Variants in ATP2C1 observed in about 807,000 individuals in gnomAD.
ATP2C1 encodes the protein calcium-transporting ATPase type 2C member 1.
Under a neutral mutation model 120.5 loss-of-function variants are expected in ATP2C1, and 31 were observed. That is an observed-to-expected ratio of 0.26 (90% CI 0.19 to 0.35). The LOEUF is 0.35. Ranked by LOEUF, ATP2C1 falls within the 10% of genes least tolerant of loss-of-function variation. The probability of loss-of-function intolerance (pLI) is 1.00; values close to 1 mark genes in which losing one functional copy is unlikely to be tolerated. For synonymous variants in ATP2C1, 351 were observed against 358.7 expected (o/e 0.98, Z 0.24); for missense variants, 731 against 1,107.5 (o/e 0.66, Z 4.83).
At chr3:130,906,133 T>C (rs1312723941) in intron 2 of ATP2C1, among the ~76,000 whole-genome samples, 1 of 152,072 alleles carries the variant, frequency 6.6e-6, no homozygotes, top group Non-Finnish European at 1.5e-5. Flanking sequence ...AAGTGTATAA[T>C]TCAGTGGTTT....
intron 1 of ATP2C1, among the ~76,000 whole-genome samples, chr3:130,886,922 G>A (rs972743621): frequency 2.6e-5 from 4 of 152,162 alleles, no homozygotes; most frequent in African/African-American, 9.7e-5. Context: ...GCATTGAAAT[G>A]TTAGGTATTT....
Position 130,967,194 on chromosome 3 carries a change from A to G in ATP2C1, c.1172A>G (p.Asp391Gly). Residue 391 changes from aspartate (D) to glycine (G), a missense_variant, in exon 15 of 28, where the codon GAT (aspartate) becomes GGT (glycine). By Grantham distance (94) the Asp-to-Gly change is moderately conservative. Transcript: ENST00000510168. ...NQFGEVIVDG[D>G]VVHGFYNPAV... ...TTTGGGGAAGTGATTGTTGATGGTG[A>G]TGTTGTTCATGGATTCTATAACCCA... 1.9e-6 allele frequency: 3 copies of G among 1,613,786 alleles called. No individual in the cohort carries two copies. The highest frequency in any genetic ancestry group is 2.5e-6 in the Non-Finnish European group (3 of 1,179,832).
intron 1 of ATP2C1, among the ~76,000 whole-genome samples, chr3:130,883,767 T>C (rs1474603217): frequency 6.6e-6 from 1 of 152,106 alleles, no homozygotes; most frequent in Non-Finnish European, 1.5e-5. Context: ...CTCTTTCTTC[T>C]TTCTGATGTA....
upstream of ATP2C1, among the ~76,000 whole-genome samples, chr3:130,893,722 G>C (rs1401656775): frequency 6.6e-6 from 1 of 152,198 alleles, no homozygotes; most frequent in Non-Finnish European, 1.5e-5. Context: ...CGCCCCACGG[G>C]AATGCGTGGC....
chr3:130,906,330 A>G (rs1020372629), intron 2 of ATP2C1, among the ~76,000 whole-genome samples: 3 of 152,068 alleles, frequency 2.0e-5, no homozygotes, highest in Admixed American at 2.0e-4. Flanking sequence ...GAATCATACA[A>G]TATGTGACCT....
rs377638434 is a variant in ATP2C1, at chr3:130,894,135, C to T, written c.-383C>T. On this transcript the variant is annotated 5_prime_UTR_variant, in exon 1 of 28. Coordinates refer to ENST00000510168, the MANE Select transcript of ATP2C1 (RefSeq NM_001378687.1). The surrounding 1 kb of genome is among the most constrained non-coding windows in gnomAD (Gnocchi z 4.5). Reference sequence around the variant, plus strand: ...CCCGGCGGACCGTGACGGGTCCCCTCACCTCCTCTTCTCTCCCCTCCCCGC... The same window carrying T: ...CCCGGCGGACCGTGACGGGTCCCCTTACCTCCTCTTCTCTCCCCTCCCCGC... 23 of 948,472 alleles carry T rather than the reference C, an allele frequency of 2.4e-5. No homozygotes were observed. The East Asian group carries it at 4.7e-4, about 19-fold the overall frequency. 58.8% of individuals were successfully genotyped at this position (948,472 alleles called of 1,614,324 possible).
chr3:130,931,954 T>C, intron 3 of ATP2C1, 68 bp from the exon 4 acceptor site: 2 of 974,698 alleles, frequency 2.1e-6, no homozygotes, highest in Non-Finnish European at 3.3e-6. Flanking sequence ...CATTATATTA[T>C]GTGCTTTTTT....
At chr3:130,951,334 G>A (rs1208972014) in intron 8 of ATP2C1, among the ~76,000 whole-genome samples, 1 of 152,072 alleles carries the variant, frequency 6.6e-6, no homozygotes, top group Non-Finnish European at 1.5e-5. Context: ...CCTCTATAAC[G>A]TTGGATGAGT....
intron 11 of ATP2C1, among the ~76,000 whole-genome samples, chr3:130,958,486 G>A (rs534996469): frequency 6.6e-6 from 1 of 151,790 alleles, no homozygotes; most frequent in East Asian, 1.9e-4. Context: ...ATCTTAGAAG[G>A]TTGCTATTTG....
chr3:131,010,765 T>G (rs1013453178), intron 26 of ATP2C1, among the ~76,000 whole-genome samples: 3 of 152,216 alleles, frequency 2.0e-5, no homozygotes, highest in African/African-American at 7.2e-5. Context: ...TTCACCATAT[T>G]TGATAGTGTT....
intron 1 of ATP2C1, among the ~76,000 whole-genome samples, chr3:130,888,791 A>T (rs2069065578): frequency 6.6e-6 from 1 of 151,782 alleles, no homozygotes; most frequent in Non-Finnish European, 1.5e-5. Flanking sequence ...AAAACCAGGT[A>T]CTCCGATTGC....
intron 4 of ATP2C1, among the ~76,000 whole-genome samples, chr3:130,932,743 G>A (rs2108365191): frequency 6.6e-6 from 1 of 152,272 alleles, no homozygotes; most frequent in South Asian, 2.1e-4. Flanking sequence ...TAGTTTTGAA[G>A]TAATTAGGTT....
At chr3:130,934,570 A>T in intron 4 of ATP2C1, 52 bp from the exon 5 acceptor site, 1 of 1,178,230 alleles carries the variant, frequency 8.5e-7, no homozygotes, top group Non-Finnish European at 1.3e-6. Flanking sequence ...CTTTGCTGAG[A>T]GAACTGTCAT....
chr3:130,994,230 A>G lies in ATP2C1; in HGVS notation c.2057+132A>G, dbSNP rs2062492135. 3.9e-6 allele frequency: 4 copies of G among 1,032,138 alleles called. No individual in the cohort carries two copies. In the Admixed American group the frequency reaches 6.1e-5, roughly 16 times the overall value. The allele number at this position is 1,032,138 out of a possible 1,614,324, so 63.9% of individuals were successfully genotyped here. On this transcript the variant is annotated intron_variant, in intron 22 of 27. Coordinates refer to ENST00000510168, the MANE Select transcript of ATP2C1 (RefSeq NM_001378687.1). Reference sequence around the variant, plus strand: ...GTAAACTAAACCACTTTTCTAGGGTAATTATCCTATTTTATGGTATGAAGA... The same window carrying G: ...GTAAACTAAACCACTTTTCTAGGGTGATTATCCTATTTTATGGTATGAAGA...
intron 2 of ATP2C1, among the ~76,000 whole-genome samples, chr3:130,917,523 C>T (rs1452255537): frequency 6.6e-6 from 1 of 152,152 alleles, no homozygotes; most frequent in Non-Finnish European, 1.5e-5. Flanking sequence ...CTGAATCTTG[C>T]TTACATGGTA....
At chr3:130,885,803 C>G (rs559987220) in intron 1 of ATP2C1, among the ~76,000 whole-genome samples, 1 of 152,046 alleles carries the variant, frequency 6.6e-6, no homozygotes, top group African/African-American at 2.4e-5. Context: ...TTATAATATT[C>G]TCTGATTTTC....
intron 2 of ATP2C1, among the ~76,000 whole-genome samples, chr3:130,921,105 G>A (rs113604389): frequency 2.2e-5 from 3 of 136,376 alleles, no homozygotes; most frequent in Admixed American, 7.7e-5. Flanking sequence ...TTTTTGAGAC[G>A]GAGTCTCGCA....
Position 131,002,219 on chromosome 3 carries a change from T to G in ATP2C1, c.*869T>G. ...GATATATACTTTGTCAAATATCATT[T>G]TGTCATCCTCTAAATATAAATCCAA... On this transcript the variant is annotated 3_prime_UTR_variant, in exon 28 of 28. Transcript: ENST00000510168. The G allele has an allele frequency of 1.0e-6, 1 of 967,230 alleles. No homozygotes were observed. Among genetic ancestry groups the G allele is most frequent in the Non-Finnish European group, 1.2e-6 (1 of 813,446 alleles). 59.9% of individuals were successfully genotyped at this position (967,230 alleles called of 1,614,324 possible).
chr3:130,879,942 C>T lies in ATP2C1; in HGVS notation c.108+29014C>T, dbSNP rs181469733. ...GCACATGGGTGCATGATGACCTCAT[C>T]GCTGGAATGGGCTGGGTTGCTGGCA... is the stretch of plus-strand genomic sequence containing the variant. On this transcript the variant is annotated intron_variant, in intron 1 of 26. Coordinates refer to the ATP2C1 transcript ENST00000504381. Among the ~76,000 whole-genome samples, 12 of 152,192 alleles carry T rather than the reference C, an allele frequency of 7.9e-5. No homozygotes were observed. In the East Asian group the frequency reaches 1.2e-3, roughly 15 times the overall value.
Sources: allele counts gnomAD v4.1 joint callset (sites outside exome capture counted in the v4.1 genomes callset), GRCh38; gene constraint gnomAD v4.1.1; non-coding constraint Gnocchi (gnomAD v3.1); transcripts MANE v1.5; gene names NCBI Gene and HGNC (gene_info 2026-07-23, HGNC 2026-07-21).